Variants in DSCAM observed in about 807,000 individuals in gnomAD.
DSCAM encodes DS cell adhesion molecule.
A neutral mutation model predicts 217.7 loss-of-function variants in DSCAM; 47 were observed. The observed-to-expected ratio is 0.22, with a 90% CI of 0.17 to 0.28. The LOEUF is 0.28. DSCAM is among the 10% of genes least tolerant of loss of function. The pLI is 1.00. For missense variants in DSCAM, 2,080 were observed against 2,618.3 expected, an observed-to-expected ratio of 0.79 and a Z score of 4.49; for synonymous variants, 1,056 against 1,015.3, an observed-to-expected ratio of 1.04 and a Z score of -0.76.
chr21:40,304,852 T>C (rs11910873), intron 9 of DSCAM, among the ~76,000 whole-genome samples: 12,056 of 152,192 alleles, frequency 0.079, 1,124 homozygotes, highest in East Asian at 0.25. Flanking sequence ...CCATCTCATA[T>C]GGCTACTGAA....
rs781592290 is a variant in DSCAM at position 40,347,757 on chromosome 21, T to C, written c.1123A>G (p.Met375Val). ...INHENLIMDH[M>V]VKSDGGAYQC... ...TATGCGCCCCCGTCACTTTTGACCA[T>C]GTGATCCATTATAAGGTTTTCGTGG... Residue 375 changes from methionine to valine, a missense_variant, in exon 6 of 33, where the codon ATG (methionine) becomes GTG (valine). Physicochemically the swap from Met to Val is conservative, Grantham distance 21. This residue lies in a region of DSCAM where 568 missense variants were observed against 678.1 expected (regional missense o/e 0.84). Transcript: ENST00000400454. 1.2e-5 allele frequency: 20 copies of C among 1,614,228 alleles called. No homozygotes were observed. The highest frequency in any genetic ancestry group is 1.6e-5 in the Non-Finnish European group (19 of 1,180,022).
chr21:40,216,806 C>T (rs551315197), intron 11 of DSCAM, among the ~76,000 whole-genome samples: 51 of 152,344 alleles, frequency 3.3e-4, no homozygotes, highest in African/African-American at 1.2e-3. Flanking sequence ...GCCCTACCTC[C>T]CCCCTGGAGC....
Position 40,075,056 on chromosome 21 carries a change from C to T in DSCAM, c.4869G>A (p.Gln1623=). The change falls in exon 27 of 33, where the codon CAG becomes CAA. Residue 1623 remains glutamine, a synonymous_variant. Transcript: ENST00000400454. ...LLVVRRRRRE[Q]RLKRLRDAKS... Reference sequence around the variant, plus strand: ...ACCTACCTCGCAGCCTCTTTAGCCTCTGCTCCCGCCGCCTCCTCCGCACAA... The same window carrying T: ...ACCTACCTCGCAGCCTCTTTAGCCTTTGCTCCCGCCGCCTCCTCCGCACAA... 1 of 1,614,192 alleles carries T rather than the reference C, an allele frequency of 6.2e-7. No homozygotes were observed. Among genetic ancestry groups the T allele is most frequent in the Non-Finnish European group, 8.5e-7 (1 of 1,180,030 alleles).
In DSCAM at chr21:40,144,003, T is replaced by C. The variant is rs537303757; in HGVS notation, c.3259+488A>G. Among the ~76,000 whole-genome samples the C allele has an allele frequency of 8.5e-5, 13 of 152,346 alleles. No individual in the cohort carries two copies. In the South Asian group the frequency reaches 1.9e-3, roughly 22 times the overall value. On this transcript the variant is annotated intron_variant, in intron 17 of 32. Coordinates refer to ENST00000400454, the MANE Select transcript of DSCAM (RefSeq NM_001389.5). This position sits in a 1 kb window ranked among gnomAD's most constrained non-coding sequence, Gnocchi z 4.8. ...ATTCTCAGTGACATGGTGGAAGGGC[T>C]AATTAATTTATCTCGGCCGCTAGGG...
intron 6 of DSCAM, among the ~76,000 whole-genome samples, chr21:40,341,640 G>A (rs1296430025): frequency 6.6e-6 from 1 of 152,190 alleles, no homozygotes; most frequent in Admixed American, 6.5e-5. Flanking sequence ...CTCTTAGGAT[G>A]TGCTGGTTTT....
At chr21:40,329,592 C>T (rs921418560) in intron 8 of DSCAM, among the ~76,000 whole-genome samples, 3 of 149,942 alleles carry the variant, frequency 2.0e-5, no homozygotes, top group African/African-American at 7.4e-5. Context: ...CCAGCCTGGC[C>T]ACAGAGTGAG....
At chr21:40,671,091 CCA>C (rs910192946) in intron 3 of DSCAM, among the ~76,000 whole-genome samples, 2 of 152,160 alleles carry the variant, frequency 1.3e-5, no homozygotes, top group Non-Finnish European at 2.9e-5. Flanking sequence ...CCATTCACAT[CCA>C]CAGTCTAGTC....
intron 12 of DSCAM, among the ~76,000 whole-genome samples, chr21:40,188,764 AT>A (rs2090922695): frequency 2.7e-5 from 4 of 149,926 alleles, no homozygotes; most frequent in Admixed American, 2.0e-4. Context: ...ATTAACTGTC[AT>A]TTAAAAACCT....
chr21:40,572,840 C>A (rs1487326141), intron 3 of DSCAM, among the ~76,000 whole-genome samples: 1 of 152,120 alleles, frequency 6.6e-6, no homozygotes, highest in African/African-American at 2.4e-5. Flanking sequence ...CTCATTATAA[C>A]TGATAAAACA....
At chr21:40,467,812 G>A (rs2075856860) in intron 3 of DSCAM, among the ~76,000 whole-genome samples, 1 of 148,928 alleles carries the variant, frequency 6.7e-6, no homozygotes, top group African/African-American at 2.5e-5. Context: ...TATGTGAGGG[G>A]AAAATAAATC....
chr21:40,699,047 A>C (rs1211235885), intron 2 of DSCAM, among the ~76,000 whole-genome samples: 1 of 152,152 alleles, frequency 6.6e-6, no homozygotes, highest in Non-Finnish European at 1.5e-5. Flanking sequence ...TGCATCATGC[A>C]ACTCTATCAG....
At chr21:40,146,641 C>T (rs2090360633) in intron 16 of DSCAM, among the ~76,000 whole-genome samples, 1 of 152,200 alleles carries the variant, frequency 6.6e-6, no homozygotes, top group African/African-American at 2.4e-5. Context: ...CTTTTCCCAA[C>T]AGCCAATCTA....
At chr21:40,608,921 T>C (rs1164491417) in intron 3 of DSCAM, among the ~76,000 whole-genome samples, 1 of 152,096 alleles carries the variant, frequency 6.6e-6, no homozygotes, top group African/African-American at 2.4e-5. Context: ...GGGTAAAGTG[T>C]TTTGAATAAG....
chr21:40,757,168 T>C (rs556024314), intron 1 of DSCAM, among the ~76,000 whole-genome samples: 76 of 152,120 alleles, frequency 5.0e-4, no homozygotes, highest in African/African-American at 1.8e-3. Context: ...GGACTACAGG[T>C]GCCCACCACC....
rs1006197942 is a variant in DSCAM, at chr21:40,411,227, A to G, written c.509-41982T>C. ...ACACACACACACACACACACACTGA[A>G]TTGTAGGGGAAAACAAACAAGCAAA... On this transcript the variant is annotated intron_variant, in intron 3 of 32. Coordinates refer to ENST00000400454, the MANE Select transcript of DSCAM (RefSeq NM_001389.5). Among the ~76,000 whole-genome samples the G allele has an allele frequency of 1.4e-4, 21 of 149,276 alleles. No individual in the cohort carries two copies. The East Asian group carries it at 1.8e-3, about 13-fold the overall frequency.
chr21:40,737,799 C>A (rs941103032), intron 1 of DSCAM, among the ~76,000 whole-genome samples: 1 of 152,198 alleles, frequency 6.6e-6, no homozygotes, highest in Non-Finnish European at 1.5e-5. Context: ...ATCCAGCATC[C>A]AGCTGACCTC....
At chr21:40,812,097 T>G (rs1363286985) in intron 1 of DSCAM, among the ~76,000 whole-genome samples, 1 of 152,142 alleles carries the variant, frequency 6.6e-6, no homozygotes, top group Non-Finnish European at 1.5e-5. Flanking sequence ...AGTGAGTAAG[T>G]GAAGAGTGAA....
chr21:40,843,378 G>C (rs1467080026), intron 1 of DSCAM, among the ~76,000 whole-genome samples: 2 of 73,674 alleles, frequency 2.7e-5, no homozygotes, highest in South Asian at 7.5e-4. Flanking sequence ...ATGTGTGTGT[G>C]TGTGTGTGTG....
At chr21:40,331,332 A>C (rs1266631992) in intron 8 of DSCAM, among the ~76,000 whole-genome samples, 3 of 152,222 alleles carry the variant, frequency 2.0e-5, no homozygotes, top group African/African-American at 7.2e-5. Flanking sequence ...CCCTCCACCT[A>C]GGCGAGATGA....
Sources: allele counts gnomAD v4.1 joint callset (sites outside exome capture counted in the v4.1 genomes callset), GRCh38; gene constraint gnomAD v4.1.1; regional missense constraint gnomAD v4.1.1; non-coding constraint Gnocchi (gnomAD v3.1); transcripts MANE v1.5; gene names NCBI Gene and HGNC (gene_info 2026-07-23, HGNC 2026-07-21).